Variants in TBC1D19 observed in about 807,000 individuals in gnomAD.
TBC1D19 encodes TBC1 domain family, member 19.
In TBC1D19, 60 loss-of-function variants were observed where a neutral mutation model predicts 89.0. That is an observed-to-expected ratio of 0.67 (90% CI 0.55 to 0.84). TBC1D19 has a LOEUF of 0.84. TBC1D19 is among the 40% of genes least tolerant of loss of function. TBC1D19 has a pLI of 0.00. For missense variants in TBC1D19, 500 were observed against 610.8 expected, an observed-to-expected ratio of 0.82 and a Z score of 1.91; for synonymous variants, 189 against 199.7, an observed-to-expected ratio of 0.95 and a Z score of 0.45.
At chr4:26,632,097 C>A (rs1413683375) in intron 4 of TBC1D19, among the ~76,000 whole-genome samples, 1 of 151,948 alleles carries the variant, frequency 6.6e-6, no homozygotes, top group Non-Finnish European at 1.5e-5. Context: ...AGGTGTCATT[C>A]CAAAAGTTAT....
intron 11 of TBC1D19, among the ~76,000 whole-genome samples, chr4:26,678,307 C>T (rs575683025): frequency 2.6e-5 from 4 of 152,172 alleles, no homozygotes; most frequent in East Asian, 1.9e-4. Context: ...TTTCGTCAGT[C>T]GAGAAAAATG....
chr4:26,818,399 T>C, the TBC1D19 span, among the ~76,000 whole-genome samples: 1 of 151,912 alleles, frequency 6.6e-6, no homozygotes, highest in Non-Finnish European at 1.5e-5. Flanking sequence ...GGCTAATTTT[T>C]TGTATTTTTT....
At chr4:26,605,689 A>G (rs1470419930) in intron 1 of TBC1D19, among the ~76,000 whole-genome samples, 6 of 152,040 alleles carry the variant, frequency 3.9e-5, no homozygotes, top group Non-Finnish European at 7.4e-5. Flanking sequence ...AAGTGTTCCT[A>G]TTTCTCCACA....
At chr4:26,699,594 C>A (rs1352740456) in intron 13 of TBC1D19, among the ~76,000 whole-genome samples, 1 of 152,216 alleles carries the variant, frequency 6.6e-6, no homozygotes, top group East Asian at 1.9e-4. Flanking sequence ...TTCACAATAG[C>A]AAAGACTTGC....
At chr4:26,654,108 G>A (rs936676886) in intron 7 of TBC1D19, among the ~76,000 whole-genome samples, 7 of 152,118 alleles carry the variant, frequency 4.6e-5, no homozygotes, top group African/African-American at 1.7e-4. Flanking sequence ...GTATGTAAAG[G>A]ATTTTATTTC....
the TBC1D19 span, among the ~76,000 whole-genome samples, chr4:26,802,632 C>T: frequency 6.6e-6 from 1 of 151,732 alleles, no homozygotes; most frequent in South Asian, 2.1e-4. Flanking sequence ...AAAAGTGGCT[C>T]CATTAGGTGC....
chr4:26,611,364 C>G (rs1377759209), intron 1 of TBC1D19, among the ~76,000 whole-genome samples: 6 of 151,864 alleles, frequency 4.0e-5, no homozygotes, highest in Admixed American at 3.9e-4. Flanking sequence ...AGTTTATCAG[C>G]TGAAGAACTA....
chr4:26,616,103 G>A (rs964809759), intron 3 of TBC1D19, among the ~76,000 whole-genome samples: 4 of 151,784 alleles, frequency 2.6e-5, no homozygotes, highest in Non-Finnish European at 2.9e-5. Flanking sequence ...CCTCATTTGG[G>A]TTCTGAACAA....
At chr4:26,683,393 C>G (rs535136287) in intron 11 of TBC1D19, among the ~76,000 whole-genome samples, 1 of 152,152 alleles carries the variant, frequency 6.6e-6, no homozygotes, top group East Asian at 1.9e-4. Flanking sequence ...TGCCTGGCAC[C>G]TGTAAGTACT....
At chr4:26,586,820 A>C (rs1355648955) in intron 1 of TBC1D19, among the ~76,000 whole-genome samples, 1 of 152,204 alleles carries the variant, frequency 6.6e-6, no homozygotes, top group Non-Finnish European at 1.5e-5. Flanking sequence ...AGAACTTGCT[A>C]AACTTATATA....
chr4:26,769,498 T>C, the TBC1D19 span, among the ~76,000 whole-genome samples: 825 of 151,426 alleles, frequency 5.4e-3, 6 homozygotes, highest in African/African-American at 0.019. Context: ...TGTATGACAA[T>C]AGCACAACAG....
At chr4:26,825,256 G>A in the TBC1D19 span, among the ~76,000 whole-genome samples, 6 of 152,078 alleles carry the variant, frequency 3.9e-5, no homozygotes, top group African/African-American at 1.2e-4. Context: ...ACACCACCAC[G>A]CCCAGCTAAT....
At chr4:26,812,206 C>T in the TBC1D19 span, among the ~76,000 whole-genome samples, 2 of 152,176 alleles carry the variant, frequency 1.3e-5, no homozygotes, top group East Asian at 3.9e-4. This position sits in a 1 kb window ranked among gnomAD's most constrained non-coding sequence, Gnocchi z 4.2. Flanking sequence ...GGTGCTTCCT[C>T]TAGCCACCTA....
Position 26,620,703 on chromosome 4 carries a change from A to C in TBC1D19, c.294+15A>C, listed in dbSNP as rs1211531636. 1.9e-6 allele frequency: 3 copies of C among 1,610,762 alleles called. No homozygotes were observed. The highest frequency in any genetic ancestry group is 1.1e-5 in the South Asian group (1 of 90,486). ...GGAAAGCACAGGTTGGCTATTGTTC[A>C]ATTTCATTTTATTTTTTCATGCCAA... On this transcript the variant is annotated intron_variant, in intron 4 of 20. Transcript: ENST00000264866.
At chr4:26,611,078 G>A (rs993539441) in intron 1 of TBC1D19, among the ~76,000 whole-genome samples, 6 of 151,974 alleles carry the variant, frequency 3.9e-5, no homozygotes, top group African/African-American at 1.4e-4. Flanking sequence ...GTGTATAAAC[G>A]TTCCCTTTTC....
chr4:26,792,288 C>G, the TBC1D19 span, among the ~76,000 whole-genome samples: 1 of 151,800 alleles, frequency 6.6e-6, no homozygotes, highest in African/African-American at 2.4e-5. Context: ...TTTATACATT[C>G]TGTCAGTTTC....
chr4:26,615,086 ATTG>A (rs1004164242), intron 3 of TBC1D19, among the ~76,000 whole-genome samples: 1 of 152,042 alleles, frequency 6.6e-6, no homozygotes, highest in African/African-American at 2.4e-5. Flanking sequence ...TATTCTTTTT[ATTG>A]TTCTCATTTT....
chr4:26,786,590 G>C, the TBC1D19 span, among the ~76,000 whole-genome samples: 1 of 152,184 alleles, frequency 6.6e-6, no homozygotes, highest in Non-Finnish European at 1.5e-5. Context: ...ACATCGGGGG[G>C]TGGTGCTGCA....
chr4:26,746,253 A>G (rs1371190801), intron 18 of TBC1D19, among the ~76,000 whole-genome samples: 3 of 136,050 alleles, frequency 2.2e-5, no homozygotes, highest in East Asian at 4.3e-4. Flanking sequence ...TTTTTTTTCC[A>G]TAGAGATAGG....
Sources: allele counts gnomAD v4.1 joint callset (sites outside exome capture counted in the v4.1 genomes callset), GRCh38; gene constraint gnomAD v4.1.1; non-coding constraint Gnocchi (gnomAD v3.1); transcripts MANE v1.5; gene names NCBI Gene and HGNC (gene_info 2026-07-23, HGNC 2026-07-21).